PDCD2L: variants seen among roughly 807,000 people sequenced by gnomAD.
PDCD2L encodes the protein programmed cell death 2 like.
Under a neutral mutation model 40.4 loss-of-function variants are expected in PDCD2L, and 44 were observed. The observed-to-expected ratio is 1.09, with a 90% CI of 0.86 to 1.40. The LOEUF is 1.40. Ranked by LOEUF, PDCD2L falls within the 40% of genes most tolerant of loss-of-function variation. The pLI, the probability that PDCD2L is intolerant of heterozygous loss-of-function variation, is 0.00. For synonymous variants in PDCD2L, 194 were observed against 174.6 expected, an observed-to-expected ratio of 1.11 and a Z score of -0.88; for missense variants, 470 against 453.7, an observed-to-expected ratio of 1.04 and a Z score of -0.33.
At chr19:34,416,247 G>A (rs1406590903) in intron 5 of PDCD2L, among the ~76,000 whole-genome samples, 1 of 152,098 alleles carries the variant, frequency 6.6e-6, no homozygotes, top group African/African-American at 2.4e-5. Context: ...ATAATATTAT[G>A]TCTGGAAGGA....
At chr19:34,406,485 A>G (rs916085832) in intron 3 of PDCD2L, among the ~76,000 whole-genome samples, 4 of 151,086 alleles carry the variant, frequency 2.6e-5, no homozygotes, top group Non-Finnish European at 4.4e-5. Flanking sequence ...TCCTGGGTTC[A>G]CACCATTCTG....
chr19:34,412,841 G>A (rs754853723), intron 4 of PDCD2L, among the ~76,000 whole-genome samples: 15 of 150,486 alleles, frequency 1.0e-4, no homozygotes, highest in African/African-American at 2.2e-4. Context: ...GTGTGCTCAC[G>A]GCTCACCACA....
chr19:34,416,046 G>C (rs1384375504), intron 5 of PDCD2L, among the ~76,000 whole-genome samples: 1 of 152,144 alleles, frequency 6.6e-6, no homozygotes, highest in East Asian at 1.9e-4. Flanking sequence ...TCAGCCTCCT[G>C]AGTAGCTGGG....
chr19:34,405,036 A>G lies in PDCD2L; in HGVS notation c.336+46A>G, dbSNP rs750301346. 16 of 1,604,352 alleles carry G rather than the reference A, an allele frequency of 1.0e-5. No individual in the cohort carries two copies. In the South Asian group the frequency reaches 1.8e-4, roughly 18 times the overall value. On this transcript the variant is annotated intron_variant, in intron 3 of 6. Coordinates refer to ENST00000246535, the MANE Select transcript of PDCD2L (RefSeq NM_032346.2). ...GTTATTGTTTTTCTGTCATTTGAGG[A>G]TATTTTCCAGAGAATAGTTTGGGGC...
chr19:34,404,698 G>A lies in PDCD2L; in HGVS notation c.158G>A (p.Gly53Glu). ...AAPRPVCQRC[G>E]QPLALVVQVY... ...CCCAGGCCCGTGTGTCAGCGCTGCG[G>A]GCAGCCGCTCGCTCTGGTCGTGCAG... The change falls in exon 2 of 7, where the codon GGG (glycine) becomes GAG (glutamate). Residue 53 changes from glycine to glutamate, a missense_variant. By Grantham distance (98) the Gly-to-Glu change is moderately conservative. Transcript: ENST00000246535. 3 of 1,612,168 alleles carry A rather than the reference G, an allele frequency of 1.9e-6. No individual in the cohort carries two copies. Among genetic ancestry groups the A allele is most frequent in the Non-Finnish European group, 1.7e-6 (2 of 1,179,814 alleles).
intron 6 of PDCD2L, chr19:34,422,367 T>G (rs901271538): frequency 1.3e-5 from 2 of 151,778 alleles, no homozygotes; most frequent in Non-Finnish European, 2.9e-5. Context: ...AGGATGGAAT[T>G]TTTGTATTTT....
intron 5 of PDCD2L, among the ~76,000 whole-genome samples, chr19:34,415,152 G>A (rs944114871): frequency 1.3e-5 from 2 of 150,948 alleles, no homozygotes; most frequent in Non-Finnish European, 3.0e-5. Flanking sequence ...ATGGAGTCTC[G>A]CCCTGCCACC....
chr19:34,414,302 AG>A (rs981696715), intron 5 of PDCD2L, among the ~76,000 whole-genome samples: 8 of 151,494 alleles, frequency 5.3e-5, no homozygotes, highest in Non-Finnish European at 1.0e-4. Context: ...CAGCCTCCCA[AG>A]TAGCTGGGAT....
intron 5 of PDCD2L, among the ~76,000 whole-genome samples, chr19:34,418,817 G>A (rs1210684840): frequency 6.6e-6 from 1 of 152,152 alleles, no homozygotes; most frequent in Non-Finnish European, 1.5e-5. Context: ...ATTTAAGAAG[G>A]TGTGTAGTGG....
chr19:34,423,241 G>A (rs2075160777), intron 6 of PDCD2L, among the ~76,000 whole-genome samples: 1 of 151,912 alleles, frequency 6.6e-6, no homozygotes, highest in African/African-American at 2.4e-5. Context: ...GGAGTGCAAT[G>A]GTGCTATCTC....
chr19:34,410,764 T>TTATG (rs1568358395), intron 4 of PDCD2L, among the ~76,000 whole-genome samples: 3 of 5,062 alleles, frequency 5.9e-4, no homozygotes, highest in African/African-American at 9.2e-4. Flanking sequence ...TTTTTATTTT[T>TTATG]TATTTATTTA....
In PDCD2L at chr19:34,421,031, C is replaced by T. The variant is rs138291385; in HGVS notation, c.798-488C>T. Among the ~76,000 whole-genome samples, 11 of 152,276 alleles carry T rather than the reference C, an allele frequency of 7.2e-5. No homozygotes were observed. In the East Asian group the frequency reaches 7.7e-4, roughly 11 times the overall value. On this transcript the variant is annotated intron_variant, in intron 5 of 6. Coordinates refer to ENST00000246535, the MANE Select transcript of PDCD2L (RefSeq NM_032346.2). Reference sequence around the variant, plus strand: ...CATGTGCAGTTCACAATAGGATTTGCGCTCCTATGAGAATCTAATGCTGCT... The same window carrying T: ...CATGTGCAGTTCACAATAGGATTTGTGCTCCTATGAGAATCTAATGCTGCT...
intron 3 of PDCD2L, 176 bp from the exon 4 acceptor site, chr19:34,408,985 C>T (rs959943558): frequency 3.3e-6 from 2 of 602,328 alleles, no homozygotes; most frequent in Non-Finnish European, 5.9e-6. Context: ...TTTTAAGTCA[C>T]CTCCAACGTG....
intron 5 of PDCD2L, among the ~76,000 whole-genome samples, chr19:34,415,210 T>C (rs1599873145): frequency 1.3e-5 from 2 of 152,112 alleles, no homozygotes; most frequent in African/African-American, 2.4e-5. Context: ...AATCTCCGCC[T>C]CCCAAGTTTA....
rs866903131 is a variant in PDCD2L, at chr19:34,413,766, A to G, written c.716A>G (p.Glu239Gly). 6.2e-6 allele frequency: 10 copies of G among 1,601,938 alleles called. No individual in the cohort carries two copies. In the Admixed American group the frequency reaches 8.4e-5, roughly 13 times the overall value. Residue 239 changes from glutamate to glycine, a missense_variant, in exon 5 of 7, where the codon GAG becomes GGG. Transcript: ENST00000246535. ...CCTAATGATGGTGATGAAAAATATG[A>G]GAAGACCATAATTAAAAGTGGAGAT... ...SLPNDGDEKY[E>G]KTIIKSGDQT...
chr19:34,414,474 CTTTTTTTTTTTTTTT>C (rs35413401), intron 5 of PDCD2L, among the ~76,000 whole-genome samples: 1 of 39,790 alleles, frequency 2.5e-5, no homozygotes, highest in African/African-American at 9.7e-5. Context: ...CCATGCCTGG[CTTTTTTTTTTTTTTT>C]TTTTTTTTTT....
At chr19:34,409,618 T>G (rs1284799784) in intron 4 of PDCD2L, 108 bp downstream of exon 4, 1 of 935,538 alleles carries the variant, frequency 1.1e-6, no homozygotes, top group East Asian at 2.5e-5. Flanking sequence ...AGGCAGAACT[T>G]GTATGTAGGA....
At position 34,418,056 on chromosome 19, in the gene PDCD2L, T is replaced by C. The variant is rs142184093; in HGVS notation, c.798-3463T>C. On this transcript the variant is annotated intron_variant, in intron 5 of 6. Coordinates refer to ENST00000246535, the MANE Select transcript of PDCD2L (RefSeq NM_032346.2). ...ACAAATGATGTTGTGCATCTTTCCATATACTCATTTGACATCTGTGTATCT... is the reference window on the plus strand; with the variant it reads ...ACAAATGATGTTGTGCATCTTTCCACATACTCATTTGACATCTGTGTATCT... 7.9e-5 allele frequency among the ~76,000 whole-genome samples: 12 copies of C among 152,348 alleles called. No individual in the cohort carries two copies. The East Asian group carries it at 2.3e-3, about 29-fold the overall frequency.
chr19:34,404,813 C>T lies in PDCD2L; in HGVS notation c.273C>T (p.Arg91=), dbSNP rs758320892. The T allele has an allele frequency of 1.9e-6, 3 of 1,603,220 alleles. No individual in the cohort carries two copies. Among genetic ancestry groups the T allele is most frequent in the African/African-American group, 2.7e-5 (2 of 74,762 alleles). ...CCGGCTGTAGCACCGGCGGTGCGCG[C>T]AGGTAGGCGGGGAAGTCCCAGAGCT... ...ACPGCSTGGA[R]SWKVFRSQCL... The change falls in exon 2 of 7, where the codon CGC becomes CGT. Residue 91 remains arginine, a splice_region_variant and synonymous_variant. Coordinates refer to ENST00000246535, the MANE Select transcript of PDCD2L (RefSeq NM_032346.2).
Sources: allele counts gnomAD v4.1 joint callset (sites outside exome capture counted in the v4.1 genomes callset), GRCh38; gene constraint gnomAD v4.1.1; transcripts MANE v1.5; gene names NCBI Gene and HGNC (gene_info 2026-07-23, HGNC 2026-07-21).